Variants in HUWE1 observed in about 807,000 individuals in gnomAD.
HUWE1 encodes the protein E3 ubiquitin-protein ligase HUWE1.
A neutral mutation model predicts 299.4 loss-of-function variants in HUWE1; 18 were observed. The ratio of observed to expected loss-of-function variants is 0.06; its 90% CI spans 0.04 to 0.09. HUWE1 has a LOEUF of 0.09. HUWE1 is among the 10% of genes least tolerant of loss of function. The probability of loss-of-function intolerance (pLI) is 1.00; values close to 1 mark genes in which losing one functional copy is unlikely to be tolerated. For synonymous variants in HUWE1, 1,317 were observed against 1,286.1 expected (o/e 1.02, Z -0.51); for missense variants, 1,832 against 3,462.3 (o/e 0.53, Z 11.82).
intron 42 of HUWE1, among the ~76,000 whole-genome samples, chrX:53,582,168 TTA>T (rs2063653473): frequency 8.9e-6 from 1 of 112,721 alleles, no homozygotes; most frequent in South Asian, 3.6e-4. Context: ...AGTTAAAACT[TTA>T]AAAGTTTTCC....
intron 12 of HUWE1, among the ~76,000 whole-genome samples, chrX:53,629,915 G>GT (rs2066757501): frequency 8.9e-6 from 1 of 112,538 alleles, no homozygotes; most frequent in Non-Finnish European, 1.9e-5. Context: ...ACTACTTGAT[G>GT]TAACTCCACT....
At chrX:53,674,527 A>C (rs782719510) in intron 3 of HUWE1, among the ~76,000 whole-genome samples, 1 of 112,441 alleles carries the variant, frequency 8.9e-6, no homozygotes, top group South Asian at 3.6e-4. Flanking sequence ...GAAATGAAAC[A>C]ATAATGGTTT....
chrX:53,646,618 C>T (rs1416503133), intron 6 of HUWE1, among the ~76,000 whole-genome samples: 1 of 111,850 alleles, frequency 8.9e-6, no homozygotes, highest in Non-Finnish European at 1.9e-5. Context: ...TCTATTTCAT[C>T]TTCAACAGAC....
intron 23 of HUWE1, among the ~76,000 whole-genome samples, chrX:53,612,668 A>C (rs1417558155): frequency 1.8e-5 from 2 of 111,997 alleles, no homozygotes; most frequent in Non-Finnish European, 1.9e-5. Flanking sequence ...GGAGAACACA[A>C]GATTGAGTTC....
intron 70 of HUWE1, 22 bp from the exon 71 acceptor site, chrX:53,545,183 C>G (rs782436043): frequency 8.3e-6 from 10 of 1,206,650 alleles, no homozygotes; most frequent in Non-Finnish European, 1.1e-5. Flanking sequence ...GAGGAGTCAG[C>G]AAGTGTTCAG....
At position 53,588,478 on chromosome X, in the gene HUWE1, G is replaced by A. The variant is rs1182442976; in HGVS notation, c.4518C>T (p.Asp1506=). 5.0e-6 allele frequency: 6 copies of A among 1,204,368 alleles called. No individual in the cohort carries two copies. Among genetic ancestry groups the A allele is most frequent in the Non-Finnish European group, 6.7e-6 (6 of 892,248 alleles). ...TTATCCACTCTGACACGGTTTTTGTGTCACTTGTTGTCAGGGGAAGAGCAG... is the reference window on the plus strand; with the variant it reads ...TTATCCACTCTGACACGGTTTTTGTATCACTTGTTGTCAGGGGAAGAGCAG... The part of the protein sequence containing the change: ...IKAALPLTTS[D]TKTVSEWISQ... Residue 1506 remains aspartate, a synonymous_variant, in exon 37 of 84, where the codon GAC becomes GAT. Coordinates refer to ENST00000262854, the MANE Select transcript of HUWE1 (RefSeq NM_031407.7).
chrX:53,557,136 A>G (rs1414971070), intron 60 of HUWE1: 3 of 494,640 alleles, frequency 6.1e-6, no homozygotes, highest in Non-Finnish European at 1.1e-5. Context: ...AGAACAAAGT[A>G]GATAATAACC....
chrX:53,626,804 CCA>C (rs1557018162), intron 17 of HUWE1, among the ~76,000 whole-genome samples: 1 of 111,499 alleles, frequency 9.0e-6, no homozygotes, highest in Non-Finnish European at 1.9e-5. Context: ...GTAGCCGGGA[CCA>C]CAGGTGCATG....
At position 53,564,708 on chromosome X, in the gene HUWE1, C is replaced by T. The variant is rs1227870539; in HGVS notation, c.6895G>A (p.Ala2299Thr). The change falls in exon 51 of 84, where the codon GCA becomes ACA. Residue 2299 changes from alanine (A) to threonine (T), a missense_variant. Ala to Thr is a moderately conservative substitution (Grantham distance 58). Around this residue, in one of 15 missense-constraint regions of HUWE1, gnomAD observed 170 missense variants for 335.8 expected, o/e 0.51. Transcript: ENST00000262854. The stretch of plus-strand genomic sequence containing the variant: ...TCATGATCCTCCTCCTGCACTTCTG[C>T]TTCCCCAGGCTCGCCTGAAACAATC... ...NQQDPGEPGE[A>T]EVQEEDHDVT... 1 of 1,210,639 alleles carries T rather than the reference C, an allele frequency of 8.3e-7. No homozygotes were observed. The highest frequency in any genetic ancestry group is 1.1e-6 in the Non-Finnish European group (1 of 895,472).
intron 23 of HUWE1, among the ~76,000 whole-genome samples, chrX:53,611,782 CG>C (rs1341296355): frequency 1.8e-5 from 2 of 108,333 alleles, no homozygotes; most frequent in Non-Finnish European, 3.8e-5. Context: ...TGCTTGAACT[CG>C]GGAGGCGGAG....
intron 3 of HUWE1, among the ~76,000 whole-genome samples, chrX:53,664,895 T>C (rs1301076577): frequency 9.0e-6 from 1 of 111,605 alleles, no homozygotes; most frequent in African/African-American, 3.3e-5. Flanking sequence ...CCATCCTATC[T>C]AGTTTCTGAT....
At chrX:53,547,229 AC>A (rs2061576910) in intron 68 of HUWE1, among the ~76,000 whole-genome samples, 2 of 111,953 alleles carry the variant, frequency 1.8e-5, no homozygotes, top group Admixed American at 9.5e-5. Flanking sequence ...AGGGCTCATT[AC>A]CTTTATTTCC....
rs190584082 is a variant in HUWE1, at chrX:53,588,297, T to A, written c.4614+85A>T. Reference sequence around the variant, plus strand: ...AGGACTCATGCCTTATTCTTCGCTTTATCGTCTTCAATGCCTCATATATGT... The same window carrying A: ...AGGACTCATGCCTTATTCTTCGCTTAATCGTCTTCAATGCCTCATATATGT... On this transcript the variant is annotated intron_variant, in intron 37 of 83. Coordinates refer to ENST00000262854, the MANE Select transcript of HUWE1 (RefSeq NM_031407.7). 146 of 1,019,649 alleles carry A rather than the reference T, an allele frequency of 1.4e-4. No homozygotes were observed. In the African/African-American group the frequency reaches 2.6e-3, roughly 18 times the overall value. 84.0% of individuals were successfully genotyped at this position (1,019,649 alleles called of 1,213,427 possible).
In HUWE1 at chrX:53,554,821, T is replaced by C. The variant is rs2061925417; in HGVS notation, c.8306A>G (p.Gln2769Arg). Reference sequence around the variant, plus strand: ...TGGGGTTGGGAGTGTTGGTTGCTGTTGTGAGGATTGCAGAGTGCCAAGGGT... The same window carrying C: ...TGGGGTTGGGAGTGTTGGTTGCTGTCGTGAGGATTGCAGAGTGCCAAGGGT... Reference protein sequence around the residue: ...KETLGTLQSSQQQPTLPTPPA... With the variant: ...KETLGTLQSSRQQPTLPTPPA... The change falls in exon 61 of 84, where the codon CAA becomes CGA. Residue 2769 changes from glutamine (Q) to arginine (R), a missense_variant. Physicochemically the swap from Gln to Arg is conservative, Grantham distance 43 (BLOSUM62 1). Around this residue, in one of 15 missense-constraint regions of HUWE1, gnomAD observed 143 missense variants for 148.1 expected, o/e 0.97. Coordinates refer to ENST00000262854, the MANE Select transcript of HUWE1 (RefSeq NM_031407.7). The C allele has an allele frequency of 8.3e-7, 1 of 1,210,896 alleles. No homozygotes were observed. Among genetic ancestry groups the C allele is most frequent in the Non-Finnish European group, 1.1e-6 (1 of 894,995 alleles).
chrX:53,566,331 C>T lies in HUWE1; in HGVS notation c.6708-1092G>A, dbSNP rs782285634. 8.4e-5 allele frequency among the ~76,000 whole-genome samples: 9 copies of T among 106,549 alleles called. No individual in the cohort carries two copies. In the South Asian group the frequency reaches 1.3e-3, roughly 15 times the overall value. 92.5% of individuals were successfully genotyped at this position (106,549 alleles called of 115,157 possible). A position where few individuals can be genotyped will look rare whatever the true frequency, so the allele number is the denominator to read the frequency against. ...TTCAAAAATTAATGGGACAGCTGGG[C>T]GTGATGGCTCACACCTGTAATCCCA... On this transcript the variant is annotated intron_variant, in intron 49 of 83. Coordinates refer to ENST00000262854, the MANE Select transcript of HUWE1 (RefSeq NM_031407.7).
At chrX:53,635,064 A>G (rs1463967547) in intron 7 of HUWE1, among the ~76,000 whole-genome samples, 2 of 110,924 alleles carry the variant, frequency 1.8e-5, no homozygotes, top group Non-Finnish European at 3.8e-5. Flanking sequence ...TAAAAAATAT[A>G]TATCTCCCTG....
Position 53,617,519 on chromosome X carries a change from T to TA in HUWE1, c.1673-74dup, listed in dbSNP as rs200846981. 3.1e-3 allele frequency: 1,883 copies of TA among 602,082 alleles called. 30 individuals are homozygous for TA. In the African/African-American group the frequency reaches 0.037, roughly 12 times the overall value. 49.6% of individuals were successfully genotyped at this position (602,082 alleles called of 1,213,427 possible). ...AACTGAAAACAAAACACCAAAAGCT[T>TA]AAAAAAAAATACATACTCAATGTCT... is the stretch of plus-strand genomic sequence containing the variant. On this transcript the variant is annotated intron_variant, in intron 19 of 83. Coordinates refer to ENST00000262854, the MANE Select transcript of HUWE1 (RefSeq NM_031407.7).
intron 66 of HUWE1, among the ~76,000 whole-genome samples, chrX:53,550,342 G>A (rs1295003511): frequency 8.9e-6 from 1 of 111,999 alleles, no homozygotes; most frequent in Non-Finnish European, 1.9e-5. Context: ...CCTTAGCCTA[G>A]GTGTTACAAA....
At chrX:53,670,472 A>G (rs781807385) in intron 3 of HUWE1, among the ~76,000 whole-genome samples, 1 of 111,752 alleles carries the variant, frequency 8.9e-6, no homozygotes, top group African/African-American at 3.3e-5. Context: ...GATATGGATA[A>G]TAGGAAATAT....
Sources: allele counts gnomAD v4.1 joint callset (sites outside exome capture counted in the v4.1 genomes callset), GRCh38; gene constraint gnomAD v4.1.1; regional missense constraint gnomAD v4.1.1; transcripts MANE v1.5; gene names NCBI Gene and HGNC (gene_info 2026-07-23, HGNC 2026-07-21).